EFNA5: variants seen among roughly 807,000 people sequenced by gnomAD.
EFNA5 encodes ephrin-A5.
Under a neutral mutation model 22.9 loss-of-function variants are expected in EFNA5, and 5 were observed. That is an observed-to-expected ratio of 0.22 (90% CI 0.11 to 0.46). EFNA5 has a LOEUF of 0.46. Among genes scored for constraint, EFNA5 ranks in the 20% least tolerant of loss-of-function variants. The pLI, the probability that EFNA5 is intolerant of heterozygous loss-of-function variation, is 0.99. For synonymous variants in EFNA5, 113 were observed against 112.2 expected (o/e 1.01, Z -0.04); for missense variants, 237 against 293.3 (o/e 0.81, Z 1.40).
chr5:107,624,499 T>C (rs1750104486), intron 1 of EFNA5, among the ~76,000 whole-genome samples: 1 of 152,198 alleles, frequency 6.6e-6, no homozygotes, highest in East Asian at 1.9e-4. Context: ...ATTGTTTTTT[T>C]CCTCTTTTTC....
At chr5:107,429,131 G>A (rs1184107347) in intron 1 of EFNA5, among the ~76,000 whole-genome samples, 3 of 152,070 alleles carry the variant, frequency 2.0e-5, no homozygotes, top group Non-Finnish European at 4.4e-5. Flanking sequence ...TGTGACCAAT[G>A]TCCACCCCAG....
At chr5:107,522,372 G>A (rs1200028878) in intron 1 of EFNA5, among the ~76,000 whole-genome samples, 1 of 152,060 alleles carries the variant, frequency 6.6e-6, no homozygotes, top group Non-Finnish European at 1.5e-5. Flanking sequence ...TATGTCTCCT[G>A]GCTCTTTCTC....
chr5:107,494,800 T>C (rs1746929492), intron 1 of EFNA5, among the ~76,000 whole-genome samples: 1 of 151,406 alleles, frequency 6.6e-6, no homozygotes, highest in South Asian at 2.1e-4. Context: ...AATACACCAA[T>C]CAGCACTCTG....
chr5:107,544,052 C>G (rs1287772897), intron 1 of EFNA5, among the ~76,000 whole-genome samples: 3 of 152,092 alleles, frequency 2.0e-5, no homozygotes, highest in African/African-American at 7.2e-5. Context: ...GGAGGGAAGC[C>G]CATTATATCT....
At chr5:107,617,037 T>C (rs1749932585) in intron 1 of EFNA5, among the ~76,000 whole-genome samples, 1 of 152,122 alleles carries the variant, frequency 6.6e-6, no homozygotes, top group African/African-American at 2.4e-5. Flanking sequence ...AATGTACTTT[T>C]ATGGAAGGAT....
chr5:107,637,521 T>TGC (rs1750401794), intron 1 of EFNA5, among the ~76,000 whole-genome samples: 2 of 150,082 alleles, frequency 1.3e-5, no homozygotes, highest in Admixed American at 1.3e-4. Context: ...TGTGTGTCTG[T>TGC]GTGTGTGTGT....
intron 2 of EFNA5, among the ~76,000 whole-genome samples, chr5:107,412,792 A>G (rs1225604990): frequency 1.3e-5 from 2 of 152,230 alleles, no homozygotes; most frequent in Non-Finnish European, 2.9e-5. Flanking sequence ...AGTGAACTGA[A>G]TTAATACTTT....
intron 1 of EFNA5, among the ~76,000 whole-genome samples, chr5:107,630,876 T>G (rs1243742834): frequency 2.0e-5 from 3 of 152,132 alleles, no homozygotes; most frequent in African/African-American, 4.8e-5. Flanking sequence ...TTTTAAACTT[T>G]TGTTAAAAAC....
At position 107,658,986 on chromosome 5, in the gene EFNA5, A is replaced by G. The variant is rs542083541; in HGVS notation, c.125+11503T>C. On this transcript the variant is annotated intron_variant, in intron 1 of 4. Coordinates refer to ENST00000333274, the MANE Select transcript of EFNA5 (RefSeq NM_001962.3). Reference sequence around the variant, plus strand: ...ACCTGACATAAATATCTGTCAAATAAATCTACATGTGCACATTTATGGTAC... The same window carrying G: ...ACCTGACATAAATATCTGTCAAATAGATCTACATGTGCACATTTATGGTAC... 5.9e-5 allele frequency among the ~76,000 whole-genome samples: 9 copies of G among 152,254 alleles called. No individual in the cohort carries two copies. The South Asian group carries it at 1.9e-3, about 32-fold the overall frequency.
chr5:107,392,447 AAGGAACTGATGTCAT>A (rs1747812758), intron 2 of EFNA5, among the ~76,000 whole-genome samples: 1 of 152,188 alleles, frequency 6.6e-6, no homozygotes, highest in African/African-American at 2.4e-5. Context: ...CAAGAGGTAC[AAGGAACTGATGTCAT>A]AGTTCAACAA....
intron 2 of EFNA5, among the ~76,000 whole-genome samples, chr5:107,406,847 A>T (rs1465844779): frequency 1.3e-5 from 2 of 152,180 alleles, no homozygotes; most frequent in Non-Finnish European, 2.9e-5. Context: ...TGAATGAAAG[A>T]CAACATCACC....
chr5:107,542,652 C>T (rs1013691604), intron 1 of EFNA5, among the ~76,000 whole-genome samples: 24 of 152,086 alleles, frequency 1.6e-4, no homozygotes, highest in African/African-American at 5.1e-4. Context: ...AGGAGAAAAA[C>T]GCCACTCACC....
chr5:107,409,111 C>A lies in EFNA5; in HGVS notation c.418+18106G>T, dbSNP rs560849829. Among the ~76,000 whole-genome samples, 7 of 152,264 alleles carry A rather than the reference C, an allele frequency of 4.6e-5. No individual in the cohort carries two copies. In the South Asian group the frequency reaches 1.5e-3, roughly 32 times the overall value. Reference sequence around the variant, plus strand: ...TGGCAATCTGGATACACTTGCTAATCTGAAGGGAGTACCAGATGCAAGACA... The same window carrying A: ...TGGCAATCTGGATACACTTGCTAATATGAAGGGAGTACCAGATGCAAGACA... On this transcript the variant is annotated intron_variant, in intron 2 of 4. Coordinates refer to ENST00000333274, the MANE Select transcript of EFNA5 (RefSeq NM_001962.3).
chr5:107,497,634 G>T (rs147627791), intron 1 of EFNA5, among the ~76,000 whole-genome samples: 3,902 of 152,238 alleles, frequency 0.026, 187 homozygotes, highest in African/African-American at 0.088. Context: ...TCTTCAGTTT[G>T]TTCCACTTAA....
intron 1 of EFNA5, among the ~76,000 whole-genome samples, chr5:107,606,538 AACACAC>A (rs58031827): frequency 0.065 from 9,335 of 144,128 alleles, 367 homozygotes; most frequent in African/African-American, 0.11. Flanking sequence ...TTGCACGTAC[AACACAC>A]ACACACACAC....
At chr5:107,419,267 C>T (rs1173751206) in intron 2 of EFNA5, among the ~76,000 whole-genome samples, 3 of 152,120 alleles carry the variant, frequency 2.0e-5, no homozygotes, top group Non-Finnish European at 4.4e-5. Flanking sequence ...TTTAAGAGCC[C>T]TTGAAATTCA....
intron 1 of EFNA5, among the ~76,000 whole-genome samples, chr5:107,587,494 C>T (rs1456352164): frequency 1.3e-5 from 2 of 152,098 alleles, no homozygotes; most frequent in East Asian, 1.9e-4. Flanking sequence ...TCAGTTTTCT[C>T]CTTGTTTTTG....
chr5:107,459,495 G>A (rs1749781662), intron 1 of EFNA5, among the ~76,000 whole-genome samples: 1 of 152,182 alleles, frequency 6.6e-6, no homozygotes, highest in South Asian at 2.1e-4. Flanking sequence ...ATGTTTTATA[G>A]TTGAGTAACT....
chr5:107,471,126 A>G (rs1026802878), intron 1 of EFNA5, among the ~76,000 whole-genome samples: 1 of 152,106 alleles, frequency 6.6e-6, no homozygotes, highest in African/African-American at 2.4e-5. Flanking sequence ...TAGGAACCCC[A>G]GTGACTCCCT....
Sources: allele counts gnomAD v4.1 joint callset (sites outside exome capture counted in the v4.1 genomes callset), GRCh38; gene constraint gnomAD v4.1.1; transcripts MANE v1.5; gene names NCBI Gene and HGNC (gene_info 2026-07-23, HGNC 2026-07-21).